Variants in RBMS3 observed in about 807,000 individuals in gnomAD.
The protein encoded by RBMS3 is RNA binding motif single stranded interacting protein 3.
Under a neutral mutation model 66.8 loss-of-function variants are expected in RBMS3, and 27 were observed. The ratio of observed to expected loss-of-function variants is 0.40; its 90% CI spans 0.30 to 0.56. The LOEUF (loss-of-function observed/expected upper bound fraction) is 0.56. RBMS3 is among the 20% of genes least tolerant of loss of function. The pLI, the probability that RBMS3 is intolerant of heterozygous loss-of-function variation, is 0.40. For missense variants in RBMS3, 513 were observed against 549.5 expected (o/e 0.93, Z 0.66); for synonymous variants, 188 against 183.0 (o/e 1.03, Z -0.22).
At chr3:29,947,144 TAGCAA>T (rs986282058) in intron 12 of RBMS3, among the ~76,000 whole-genome samples, 3 of 151,610 alleles carry the variant, frequency 2.0e-5, no homozygotes, top group African/African-American at 7.3e-5. Flanking sequence ...ACAATGTAGT[TAGCAA>T]AATACTTGGA....
At position 30,003,937 on chromosome 3, in the gene RBMS3, G is replaced by A; in HGVS notation, c.*75G>A. On this transcript the variant is annotated 3_prime_UTR_variant, in exon 15 of 15. Coordinates refer to ENST00000383767, the MANE Select transcript of RBMS3 (RefSeq NM_001003793.3). ...TCATTGAACAAGAAGTTGGCTTCCAGTTTGCACAGACGTCAATGGAATGCA... is the reference window on the plus strand; with the variant it reads ...TCATTGAACAAGAAGTTGGCTTCCAATTTGCACAGACGTCAATGGAATGCA... 4 of 1,267,976 alleles carry A rather than the reference G, an allele frequency of 3.2e-6. No individual in the cohort carries two copies. Among genetic ancestry groups the A allele is most frequent in the Non-Finnish European group, 2.1e-6 (2 of 947,214 alleles). The allele number at this position is 1,267,976 out of a possible 1,614,324, so 78.5% of individuals were successfully genotyped here.
intron 4 of RBMS3, among the ~76,000 whole-genome samples, chr3:29,735,726 C>A (rs190817197): frequency 1.3e-5 from 2 of 152,230 alleles, no homozygotes; most frequent in African/African-American, 4.8e-5. Context: ...TGAACCACAA[C>A]CTATTTATTA....
rs1490970958 is a variant in RBMS3, at chr3:29,656,996, G to A, written c.399+69791G>A. Reference sequence around the variant, plus strand: ...TGGGCCTCCCCATTAGCTAGCAAACGCGATAAGAATGCAGTGAATTATAGG... The same window carrying A: ...TGGGCCTCCCCATTAGCTAGCAAACACGATAAGAATGCAGTGAATTATAGG... On this transcript the variant is annotated intron_variant, in intron 4 of 14. Coordinates refer to ENST00000383767, the MANE Select transcript of RBMS3 (RefSeq NM_001003793.3). Among the ~76,000 whole-genome samples the A allele has an allele frequency of 2.6e-5, 4 of 152,220 alleles. No homozygotes were observed. In the East Asian group the frequency reaches 5.8e-4, roughly 22 times the overall value.
intron 1 of RBMS3, among the ~76,000 whole-genome samples, chr3:29,336,650 A>G (rs1247451158): frequency 6.6e-6 from 1 of 152,136 alleles, no homozygotes; most frequent in Admixed American, 6.6e-5. Flanking sequence ...TGAAATATAC[A>G]TATGTGAATA....
intron 8 of RBMS3, among the ~76,000 whole-genome samples, chr3:29,893,277 A>G (rs1478055932): frequency 6.6e-6 from 1 of 151,502 alleles, no homozygotes; most frequent in East Asian, 2.0e-4. Context: ...ACAAAAATGC[A>G]TTAAATTTTC....
At chr3:29,761,704 T>C (rs761463936) in intron 5 of RBMS3, among the ~76,000 whole-genome samples, 6 of 152,174 alleles carry the variant, frequency 3.9e-5, no homozygotes, top group Non-Finnish European at 8.8e-5. Flanking sequence ...TATGGCCATG[T>C]AATATGGTCC....
At chr3:29,471,345 T>G (rs142414903) in intron 2 of RBMS3, among the ~76,000 whole-genome samples, 2,470 of 152,274 alleles carry the variant, frequency 0.016, 69 homozygotes, top group African/African-American at 0.056. Flanking sequence ...GCAATGTAGC[T>G]TTTCATTCAT....
intron 1 of RBMS3, among the ~76,000 whole-genome samples, chr3:29,367,902 T>C (rs999944482): frequency 2.0e-5 from 3 of 151,978 alleles, no homozygotes; most frequent in Admixed American, 1.3e-4. Flanking sequence ...TCTAAGCCAA[T>C]AGATAAAAAC....
chr3:29,685,103 G>A (rs996841545), intron 4 of RBMS3, among the ~76,000 whole-genome samples: 4 of 152,138 alleles, frequency 2.6e-5, no homozygotes, highest in African/African-American at 9.7e-5. Flanking sequence ...CTGTCACCCA[G>A]GCGGGAGTGC....
chr3:29,300,025 G>T (rs1442557019), intron 1 of RBMS3, among the ~76,000 whole-genome samples: 1 of 151,806 alleles, frequency 6.6e-6, no homozygotes, highest in African/African-American at 2.4e-5. Flanking sequence ...ACACAAAAAA[G>T]CATAAATGAA....
intron 6 of RBMS3, among the ~76,000 whole-genome samples, chr3:29,842,735 T>C (rs1351111104): frequency 1.3e-5 from 2 of 152,156 alleles, no homozygotes; most frequent in Non-Finnish European, 2.9e-5. Flanking sequence ...AGTGTAATTG[T>C]TAGGATCGTT....
intron 6 of RBMS3, among the ~76,000 whole-genome samples, chr3:29,850,182 G>T (rs1449612183): frequency 6.6e-6 from 1 of 152,102 alleles, no homozygotes; most frequent in Non-Finnish European, 1.5e-5. Context: ...GAGGGGATAC[G>T]CAGAAAAAGT....
chr3:29,631,342 G>T (rs1476274158), intron 4 of RBMS3, among the ~76,000 whole-genome samples: 1 of 151,530 alleles, frequency 6.6e-6, no homozygotes, highest in Non-Finnish European at 1.5e-5. Flanking sequence ...TACAATTTTG[G>T]TGCCATCATT....
At chr3:29,734,045 G>A (rs1293997877) in intron 4 of RBMS3, among the ~76,000 whole-genome samples, 2 of 151,842 alleles carry the variant, frequency 1.3e-5, no homozygotes, top group South Asian at 2.1e-4. Flanking sequence ...CACACACAGT[G>A]GAATACTATT....
chr3:29,746,436 T>G (rs1375990911), intron 5 of RBMS3, among the ~76,000 whole-genome samples: 1 of 152,252 alleles, frequency 6.6e-6, no homozygotes, highest in East Asian at 1.9e-4. Context: ...GTTACAACTG[T>G]GTTTTCTGAG....
chr3:29,666,554 A>G (rs2050767082), intron 4 of RBMS3, among the ~76,000 whole-genome samples: 1 of 152,216 alleles, frequency 6.6e-6, no homozygotes, highest in South Asian at 2.1e-4. Context: ...CATGTGGGTT[A>G]ATGAGAAAGC....
intron 3 of RBMS3, among the ~76,000 whole-genome samples, chr3:29,507,331 C>A (rs146825165): frequency 8.2e-4 from 124 of 151,944 alleles, no homozygotes; most frequent in African/African-American, 2.6e-3. Context: ...CACATGAATG[C>A]AACCTTTGCT....
intron 3 of RBMS3, among the ~76,000 whole-genome samples, chr3:29,514,492 G>A (rs1190443880): frequency 6.6e-6 from 1 of 151,644 alleles, no homozygotes; most frequent in Non-Finnish European, 1.5e-5. Context: ...TTACACATAC[G>A]AGTTGCTCAA....
At chr3:29,953,032 T>A (rs533178460) in intron 12 of RBMS3, among the ~76,000 whole-genome samples, 2 of 151,994 alleles carry the variant, frequency 1.3e-5, no homozygotes, top group Admixed American at 6.6e-5. Flanking sequence ...TTAAGTTCAT[T>A]AGCTTGCTGA....
Sources: allele counts gnomAD v4.1 joint callset (sites outside exome capture counted in the v4.1 genomes callset), GRCh38; gene constraint gnomAD v4.1.1; transcripts MANE v1.5; gene names NCBI Gene and HGNC (gene_info 2026-07-23, HGNC 2026-07-21).